The following TNFAIP8 variants were observed in gnomAD, a reference collection of about 807,000 sequenced individuals.
TNFAIP8 encodes the protein TNF alpha induced protein 8, also known as tumor necrosis factor alpha-induced protein 8.
TNFAIP8 carries 7 observed loss-of-function variants against 13.3 expected under a neutral mutation model. The observed-to-expected ratio is 0.52, with a 90% CI of 0.30 to 0.99. TNFAIP8 has a LOEUF of 0.99. Ranked by LOEUF, TNFAIP8 falls within the 50% of genes least tolerant of loss-of-function variation. The pLI is 0.07. For missense variants in TNFAIP8, 258 were observed against 236.9 expected (o/e 1.09, Z -0.58); for synonymous variants, 94 against 87.6 (o/e 1.07, Z -0.41).
intron 1 of TNFAIP8, among the ~76,000 whole-genome samples, chr5:119,358,689 C>G (rs1007061622): frequency 6.6e-6 from 1 of 152,054 alleles, no homozygotes; most frequent in Non-Finnish European, 1.5e-5. Context: ...GGCTGATAGC[C>G]GTGTATTTGG....
At chr5:119,366,325 A>T (rs1751856689) in intron 1 of TNFAIP8, among the ~76,000 whole-genome samples, 1 of 152,112 alleles carries the variant, frequency 6.6e-6, no homozygotes, top group Admixed American at 6.6e-5. Flanking sequence ...ACTTGGAGCC[A>T]ATGAAATGTG....
chr5:119,392,366 G>C (rs1232068236), intron 1 of TNFAIP8, among the ~76,000 whole-genome samples: 1 of 150,868 alleles, frequency 6.6e-6, no homozygotes, highest in Non-Finnish European at 1.5e-5. Flanking sequence ...CTGTTGCCCA[G>C]ATGACAGGTA....
chr5:119,325,247 T>C (rs1404212269), intron 1 of TNFAIP8, among the ~76,000 whole-genome samples: 1 of 152,182 alleles, frequency 6.6e-6, no homozygotes, highest in East Asian at 1.9e-4. Flanking sequence ...TTTCATGGGA[T>C]GTATTCCTGT....
rs1382408246 is a variant in TNFAIP8 at position 119,397,636 on chromosome 5, T to C, written c.*4255T>C. On this transcript the variant is annotated 3_prime_UTR_variant, in exon 2 of 2. Coordinates refer to ENST00000504771, the MANE Select transcript of TNFAIP8 (RefSeq NM_014350.4). ...ATAATTGTACTTTCTGTGATTCAGA[T>C]AAAAACTTTATAGAAACTCCCTAAT... 6.6e-6 allele frequency: 1 copy of C among 152,204 alleles called. No individual in the cohort carries two copies. The highest frequency in any genetic ancestry group is 6.5e-5 in the Admixed American group (1 of 15,282). 9.4% of individuals were successfully genotyped at this position (152,204 alleles called of 1,614,324 possible).
intron 1 of TNFAIP8, among the ~76,000 whole-genome samples, chr5:119,326,967 G>A (rs1042487783): frequency 2.6e-5 from 4 of 152,158 alleles, no homozygotes; most frequent in Non-Finnish European, 5.9e-5. Flanking sequence ...AAACCAGCCC[G>A]TGTGCCCTCC....
intron 1 of TNFAIP8, among the ~76,000 whole-genome samples, chr5:119,322,692 C>G (rs1750098722): frequency 6.6e-6 from 1 of 152,172 alleles, no homozygotes; most frequent in South Asian, 2.1e-4. Context: ...AGGCTTCTTC[C>G]TCTTTGTCCA....
At chr5:119,379,983 C>A (rs1752426381) in intron 1 of TNFAIP8, among the ~76,000 whole-genome samples, 1 of 152,206 alleles carries the variant, frequency 6.6e-6, no homozygotes, top group East Asian at 1.9e-4. Context: ...CAAGCAGCTT[C>A]ATGGCATTTG....
chr5:119,294,757 A>T (rs933214829), intron 1 of TNFAIP8, among the ~76,000 whole-genome samples: 23 of 152,014 alleles, frequency 1.5e-4, no homozygotes, highest in African/African-American at 5.1e-4. Flanking sequence ...ATGGTATCTC[A>T]TTGTGGTTTT....
At position 119,334,143 on chromosome 5, in the gene TNFAIP8, A is replaced by AAAAAAAC. The variant is rs1357440905; in HGVS notation, c.2-58667_2-58666insCAAAAAA. ...GTTGCCATTTTCTCTAACAACCAAA[A>AAAAAAAC]AAAAAAAAAAACGGTTTACCTTACA... On this transcript the variant is annotated intron_variant, in intron 1 of 1. Coordinates refer to the TNFAIP8 transcript ENST00000274456. 9.9e-3 allele frequency among the ~76,000 whole-genome samples: 1,497 copies of AAAAAAAC among 151,934 alleles called. 34 individuals are homozygous for AAAAAAAC. Among genetic ancestry groups the AAAAAAAC allele is most frequent in the African/African-American group, 0.034 (1,398 of 41,350 alleles).
At chr5:119,278,586 A>C (rs1748531742) in intron 1 of TNFAIP8, among the ~76,000 whole-genome samples, 1 of 152,018 alleles carries the variant, frequency 6.6e-6, no homozygotes, top group African/African-American at 2.4e-5. Context: ...TTGAGGGAGA[A>C]CCTCTATTGT....
intron 1 of TNFAIP8, among the ~76,000 whole-genome samples, chr5:119,348,053 T>C (rs1481719135): frequency 6.6e-6 from 1 of 152,200 alleles, no homozygotes; most frequent in Admixed American, 6.5e-5. Context: ...TGAATAAAGC[T>C]CTTAACTGCT....
intron 1 of TNFAIP8, among the ~76,000 whole-genome samples, chr5:119,383,869 A>G (rs568082116): frequency 5.3e-5 from 8 of 152,206 alleles, no homozygotes; most frequent in African/African-American, 1.9e-4. Flanking sequence ...CCTGGAAGCT[A>G]TTTCAAGCCC....
intron 1 of TNFAIP8, among the ~76,000 whole-genome samples, chr5:119,371,401 A>C (rs1023260919): frequency 1.3e-5 from 2 of 152,300 alleles, no homozygotes; most frequent in East Asian, 1.9e-4. Flanking sequence ...CCAAAAAAAA[A>C]CATTAAAGAT....
chr5:119,347,671 C>G (rs1186581791), intron 1 of TNFAIP8, among the ~76,000 whole-genome samples: 2 of 152,172 alleles, frequency 1.3e-5, no homozygotes, highest in African/African-American at 4.8e-5. Flanking sequence ...GGAAAAACTT[C>G]TGATGCATGC....
At chr5:119,381,116 T>G (rs1049076867) in intron 1 of TNFAIP8, among the ~76,000 whole-genome samples, 8 of 152,188 alleles carry the variant, frequency 5.3e-5, no homozygotes, top group African/African-American at 1.9e-4. Flanking sequence ...TCCTGGAGAT[T>G]CTGATTCCGT....
At chr5:119,371,392 CA>C (rs201778112) in intron 1 of TNFAIP8, among the ~76,000 whole-genome samples, 1 of 148,502 alleles carries the variant, frequency 6.7e-6, no homozygotes, top group Non-Finnish European at 1.5e-5. Flanking sequence ...ATTCCAAAAC[CA>C]AAAAAAAACA....
chr5:119,334,474 CT>C (rs935218132), intron 1 of TNFAIP8, among the ~76,000 whole-genome samples: 4 of 150,280 alleles, frequency 2.7e-5, no homozygotes, highest in African/African-American at 1.0e-4. Context: ...TATAGCTAAT[CT>C]TTTGGTCCAT....
At chr5:119,369,428 T>C (rs545462673) in intron 1 of TNFAIP8, among the ~76,000 whole-genome samples, 1 of 152,328 alleles carries the variant, frequency 6.6e-6, no homozygotes, top group South Asian at 2.1e-4. Context: ...TCAAGACTCT[T>C]GGACCTGAAA....
intron 1 of TNFAIP8, among the ~76,000 whole-genome samples, chr5:119,299,982 G>T (rs1049030448): frequency 1.3e-5 from 2 of 152,222 alleles, no homozygotes; most frequent in African/African-American, 4.8e-5. Flanking sequence ...ATTAGCGTGG[G>T]AGTGACCCGA....
Sources: allele counts gnomAD v4.1 joint callset (sites outside exome capture counted in the v4.1 genomes callset), GRCh38; gene constraint gnomAD v4.1.1; transcripts MANE v1.5; gene names NCBI Gene and HGNC (gene_info 2026-07-23, HGNC 2026-07-21).